VGLL4: variants seen among roughly 807,000 people sequenced by gnomAD.
VGLL4 encodes the protein transcription cofactor vestigial-like protein 4.
In VGLL4, 7 loss-of-function variants were observed where a neutral mutation model predicts 21.0. That is an observed-to-expected ratio of 0.33 (90% CI 0.19 to 0.63). The LOEUF is 0.63. Among genes scored for constraint, VGLL4 ranks in the 20% least tolerant of loss-of-function variants. The probability of loss-of-function intolerance (pLI) is 0.78; values close to 1 mark genes in which losing one functional copy is unlikely to be tolerated. For missense variants in VGLL4, 394 were observed against 425.7 expected, an observed-to-expected ratio of 0.93 and a Z score of 0.66; for synonymous variants, 222 against 173.2, an observed-to-expected ratio of 1.28 and a Z score of -2.21.
At chr3:11,600,791 T>G (rs2074775167) in intron 2 of VGLL4, among the ~76,000 whole-genome samples, 1 of 152,012 alleles carries the variant, frequency 6.6e-6, no homozygotes, top group Admixed American at 6.5e-5. Context: ...GAAAAAGCAG[T>G]GCCCTCAGGA....
chr3:11,608,901 G>A (rs1251637929), intron 1 of VGLL4, among the ~76,000 whole-genome samples: 2 of 151,878 alleles, frequency 1.3e-5, no homozygotes, highest in African/African-American at 2.4e-5. Flanking sequence ...TCACTCTGTC[G>A]CCCAGACTGG....
intron 1 of VGLL4, among the ~76,000 whole-genome samples, chr3:11,706,195 G>A (rs2076758795): frequency 6.6e-6 from 1 of 152,214 alleles, no homozygotes; most frequent in African/African-American, 2.4e-5. Flanking sequence ...AGACATTTAA[G>A]TTTATACAGA....
intron 2 of VGLL4, among the ~76,000 whole-genome samples, chr3:11,682,835 A>G (rs2076395805): frequency 6.6e-6 from 1 of 152,134 alleles, no homozygotes; most frequent in Non-Finnish European, 1.5e-5. Context: ...GAACAAGAGG[A>G]CAATCAAGGT....
At chr3:11,685,650 A>G (rs1378983554) in intron 2 of VGLL4, among the ~76,000 whole-genome samples, 1 of 152,206 alleles carries the variant, frequency 6.6e-6, no homozygotes, top group Non-Finnish European at 1.5e-5. Context: ...TGAAAAGATA[A>G]TCTACAAAAT....
At chr3:11,586,249 G>C (rs1005179430) in intron 2 of VGLL4, among the ~76,000 whole-genome samples, 1 of 152,168 alleles carries the variant, frequency 6.6e-6, no homozygotes, top group Non-Finnish European at 1.5e-5. Context: ...GTTAACAACC[G>C]ATGAATGCAG....
intron 2 of VGLL4, among the ~76,000 whole-genome samples, chr3:11,696,974 C>G (rs1486463981): frequency 6.6e-6 from 1 of 152,176 alleles, no homozygotes; most frequent in Non-Finnish European, 1.5e-5. Flanking sequence ...AACTCCTGGG[C>G]TCAAGTGACC....
rs1467142298 is a variant in VGLL4, at chr3:11,565,753, AG to A, written c.273-735del. On this transcript the variant is annotated intron_variant, in intron 2 of 4. Coordinates refer to ENST00000430365, the MANE Select transcript of VGLL4 (RefSeq NM_001128219.3). The surrounding 1 kb of genome is among the most constrained non-coding windows in gnomAD (Gnocchi z 4.1). ...ACCCAGGCGATGCCACGTGGAATCC[AG>A]GTGAGACAGTCAGCACCACCTCCAT... is the stretch of plus-strand genomic sequence containing the variant. Among the ~76,000 whole-genome samples, 2 of 152,208 alleles carry A rather than the reference AG, an allele frequency of 1.3e-5. No homozygotes were observed. Among genetic ancestry groups the A allele is most frequent in the Admixed American group, 1.3e-4 (2 of 15,278 alleles).
At chr3:11,677,903 G>A (rs550054938) in intron 2 of VGLL4, among the ~76,000 whole-genome samples, 12 of 74,216 alleles carry the variant, frequency 1.6e-4, no homozygotes, top group East Asian at 9.8e-4. Flanking sequence ...GCAAGACTTC[G>A]TCTTTCAAAA....
At chr3:11,680,671 G>C (rs929727701) in intron 2 of VGLL4, among the ~76,000 whole-genome samples, 1 of 152,136 alleles carries the variant, frequency 6.6e-6, no homozygotes, top group Non-Finnish European at 1.5e-5. Flanking sequence ...AAACGTGCAC[G>C]ACTCACTCCA....
intron 1 of VGLL4, among the ~76,000 whole-genome samples, chr3:11,710,298 T>C (rs995075038): frequency 3.9e-4 from 60 of 152,218 alleles, no homozygotes; most frequent in African/African-American, 1.3e-3. Flanking sequence ...TTAGATTATA[T>C]TGTTTTTCAA....
intron 2 of VGLL4, among the ~76,000 whole-genome samples, chr3:11,601,051 C>T (rs529525005): frequency 1.3e-5 from 2 of 152,246 alleles, no homozygotes; most frequent in South Asian, 2.1e-4. Context: ...TCTCCCTCTG[C>T]GAGGAGGGTG....
chr3:11,647,637 A>G (rs1333280387), upstream of VGLL4, among the ~76,000 whole-genome samples: 1 of 152,104 alleles, frequency 6.6e-6, no homozygotes, highest in African/African-American at 2.4e-5. Context: ...AGCATTTTTC[A>G]TTTCAGATTT....
At chr3:11,630,823 C>G (rs1452765168) in intron 1 of VGLL4, among the ~76,000 whole-genome samples, 1 of 152,040 alleles carries the variant, frequency 6.6e-6, no homozygotes, top group Non-Finnish European at 1.5e-5. Context: ...AAGAAATGAC[C>G]ACATATGTCC....
intron 2 of VGLL4, among the ~76,000 whole-genome samples, chr3:11,665,102 T>TTTTC (rs2076098328): frequency 2.2e-4 from 4 of 18,292 alleles, no homozygotes; most frequent in South Asian, 1.5e-3. Flanking sequence ...AATATTTTTC[T>TTTTC]TTTTTTTTTT....
At chr3:11,663,371 A>G (rs556038196) in intron 2 of VGLL4, among the ~76,000 whole-genome samples, 1 of 152,324 alleles carries the variant, frequency 6.6e-6, no homozygotes, top group Non-Finnish European at 1.5e-5. Context: ...AATCAGAACA[A>G]ATTCATCCAA....
At position 11,664,250 on chromosome 3, in the gene VGLL4, A is replaced by G. The variant is rs192508442; in HGVS notation, c.64+38721T>C. Among the ~76,000 whole-genome samples the G allele has an allele frequency of 1.6e-4, 24 of 152,316 alleles. No homozygotes were observed. The East Asian group carries it at 4.4e-3, about 28-fold the overall frequency. ...AAGAGTCCGTCTCAAAAAGAGAAAA[A>G]TAAAAAAGAAATGCAGCTGCAAATA... On this transcript the variant is annotated intron_variant, in intron 2 of 5. Transcript: ENST00000273038.
chr3:11,665,113 T>C (rs917163956), intron 2 of VGLL4, among the ~76,000 whole-genome samples: 5 of 127,246 alleles, frequency 3.9e-5, no homozygotes, highest in East Asian at 2.2e-4. Context: ...TTTTTTTTTT[T>C]TTTTTTTTTT....
At chr3:11,628,407 AG>A (rs1441527602) in intron 1 of VGLL4, among the ~76,000 whole-genome samples, 28 of 152,126 alleles carry the variant, frequency 1.8e-4, no homozygotes, top group African/African-American at 6.0e-4. Flanking sequence ...AAAAAAAAAA[AG>A]AAAAGAAACA....
At chr3:11,586,131 T>TA (rs2074356437) in intron 2 of VGLL4, among the ~76,000 whole-genome samples, 1 of 152,214 alleles carries the variant, frequency 6.6e-6, no homozygotes, top group Non-Finnish European at 1.5e-5. Context: ...AAGAATTTTT[T>TA]AAAAAATCTT....
Sources: allele counts gnomAD v4.1 joint callset (sites outside exome capture counted in the v4.1 genomes callset), GRCh38; gene constraint gnomAD v4.1.1; non-coding constraint Gnocchi (gnomAD v3.1); transcripts MANE v1.5; gene names NCBI Gene and HGNC (gene_info 2026-07-23, HGNC 2026-07-21).